TTC23: variants seen among roughly 807,000 people sequenced by gnomAD.
TTC23 encodes tetratricopeptide repeat protein 23.
In TTC23, 58 loss-of-function variants were observed where a neutral mutation model predicts 55.1. That is an observed-to-expected ratio of 1.05 (90% CI 0.85 to 1.31). The LOEUF is 1.31. Ranked by LOEUF, TTC23 falls within the 50% of genes most tolerant of loss-of-function variation. The probability of loss-of-function intolerance (pLI) is 0.00; values close to 1 mark genes in which losing one functional copy is unlikely to be tolerated. For synonymous variants in TTC23, 203 were observed against 199.9 expected (o/e 1.02, Z -0.13); for missense variants, 516 against 534.4 (o/e 0.97, Z 0.34).
Position 99,175,047 on chromosome 15 carries a change from C to T in TTC23, c.865+3G>A. On this transcript the variant is annotated splice_donor_region_variant and intron_variant, in intron 10 of 13. Coordinates refer to ENST00000394132, the MANE Select transcript of TTC23 (RefSeq NM_001288615.3). ...GACAGGAAGAGAAAAGGATTCTTCT[C>T]ACCATGGTGCTCGTGTCTCCCTGAA... 2 of 1,613,766 alleles carry T rather than the reference C, an allele frequency of 1.2e-6. No individual in the cohort carries two copies. The highest frequency in any genetic ancestry group is 1.7e-5 in the Admixed American group (1 of 60,012).
chr15:99,163,086 A>C (rs1051096378), intron 10 of TTC23, among the ~76,000 whole-genome samples: 1 of 150,160 alleles, frequency 6.7e-6, no homozygotes, highest in Non-Finnish European at 1.5e-5. Flanking sequence ...CCTGTCTCAA[A>C]AAACAAACAA....
intron 10 of TTC23, among the ~76,000 whole-genome samples, chr15:99,169,614 C>G (rs2072636994): frequency 6.6e-6 from 1 of 152,024 alleles, no homozygotes; most frequent in Non-Finnish European, 1.5e-5. Flanking sequence ...CAGCACTGGG[C>G]AAGCTGAAAA....
chr15:99,189,151 G>A (rs909767379), intron 9 of TTC23, among the ~76,000 whole-genome samples: 1 of 152,046 alleles, frequency 6.6e-6, no homozygotes, highest in Non-Finnish European at 1.5e-5. Context: ...TACAAGTAAG[G>A]GAGATTTCTA....
rs2077973717 is a variant in TTC23, at chr15:99,221,967, C to G, written c.181-103G>C. 3 of 1,344,744 alleles carry G rather than the reference C, an allele frequency of 2.2e-6. No individual in the cohort carries two copies. The South Asian group carries it at 4.2e-5, about 19-fold the overall frequency. The allele number at this position is 1,344,744 out of a possible 1,614,324, so 83.3% of individuals were successfully genotyped here. ...CCCTTTGATAAATACTGAGTGACTA[C>G]TATGTGCAAAACATTGTTCTAAGCA... On this transcript the variant is annotated intron_variant, in intron 5 of 13. Coordinates refer to ENST00000394132, the MANE Select transcript of TTC23 (RefSeq NM_001288615.3).
At chr15:99,182,248 TCACACACACACACACACACA>T (rs56223763) in intron 9 of TTC23, among the ~76,000 whole-genome samples, 1 of 108,606 alleles carries the variant, frequency 9.2e-6, no homozygotes, top group African/African-American at 3.8e-5. Context: ...TCTCTCTCTC[TCACACACACACACACACACA>T]CACACACACA....
intron 9 of TTC23, among the ~76,000 whole-genome samples, chr15:99,199,646 G>A (rs956168525): frequency 6.6e-6 from 1 of 152,042 alleles, no homozygotes; most frequent in Non-Finnish European, 1.5e-5. Context: ...GGTAACATAC[G>A]CTCTAAATAG....
chr15:99,192,316 C>A (rs2075308942), intron 9 of TTC23, among the ~76,000 whole-genome samples: 1 of 152,180 alleles, frequency 6.6e-6, no homozygotes, highest in Non-Finnish European at 1.5e-5. Context: ...TGTCAGAGAC[C>A]TTTGCACAGT....
chr15:99,246,868 C>G (rs1023855556), intron 1 of TTC23, among the ~76,000 whole-genome samples: 1 of 151,890 alleles, frequency 6.6e-6, no homozygotes, highest in Non-Finnish European at 1.5e-5. Context: ...TGCAGTGGGC[C>G]GAGATCGTGG....
chr15:99,250,322 A>G (rs1287034427), upstream of TTC23, among the ~76,000 whole-genome samples: 2 of 152,238 alleles, frequency 1.3e-5, no homozygotes, highest in Non-Finnish European at 2.9e-5. Flanking sequence ...TTTTTATTAT[A>G]ACTCATACCT....
intron 8 of TTC23, among the ~76,000 whole-genome samples, chr15:99,202,177 G>A (rs1405063155): frequency 6.6e-6 from 1 of 152,094 alleles, no homozygotes; most frequent in Non-Finnish European, 1.5e-5. Context: ...GCTGACCTCT[G>A]GTCTAGAATC....
chr15:99,144,540 A>T (rs1231522817), intron 12 of TTC23: 1 of 152,240 alleles, frequency 6.6e-6, no homozygotes, highest in Non-Finnish European at 1.5e-5. Flanking sequence ...GAATTGCATC[A>T]TAACATCTAT....
chr15:99,141,107 A>C lies in TTC23; in HGVS notation c.1144-1708T>G, dbSNP rs1026659375. 5 of 152,292 alleles carry C rather than the reference A, an allele frequency of 3.3e-5. No homozygotes were observed. The South Asian group carries it at 1.0e-3, about 32-fold the overall frequency. The allele number at this position is 152,292 out of a possible 1,614,324, so 9.4% of individuals were successfully genotyped here. ...TTTGTTAAAGATACAAAGCAACAAGAATTCTTTTATATATTGATAGTGGGT... is the reference window on the plus strand; with the variant it reads ...TTTGTTAAAGATACAAAGCAACAAGCATTCTTTTATATATTGATAGTGGGT... On this transcript the variant is annotated intron_variant, in intron 12 of 13. Transcript: ENST00000394132.
chr15:99,146,985 G>A (rs528824622), intron 12 of TTC23, among the ~76,000 whole-genome samples: 1 of 151,982 alleles, frequency 6.6e-6, no homozygotes, highest in East Asian at 1.9e-4. Flanking sequence ...TGTGGTCACG[G>A]CTCACTGCAA....
chr15:99,183,152 G>A (rs913080218), intron 9 of TTC23, among the ~76,000 whole-genome samples: 21 of 152,268 alleles, frequency 1.4e-4, no homozygotes, highest in African/African-American at 3.6e-4. Flanking sequence ...TGAAGTCCAC[G>A]CTGAGGTGGT....
At chr15:99,180,465 A>T (rs2074010631) in intron 9 of TTC23, among the ~76,000 whole-genome samples, 1 of 152,238 alleles carries the variant, frequency 6.6e-6, no homozygotes, top group Non-Finnish European at 1.5e-5. Flanking sequence ...CAGATTCCTC[A>T]GTGCCAATCA....
chr15:99,208,759 A>G (rs2076818470), intron 8 of TTC23, among the ~76,000 whole-genome samples: 1 of 152,258 alleles, frequency 6.6e-6, no homozygotes, highest in African/African-American at 2.4e-5. Context: ...AATTGAGAGT[A>G]CTACATCAAG....
At chr15:99,183,606 T>A (rs1217831197) in intron 9 of TTC23, among the ~76,000 whole-genome samples, 2 of 150,862 alleles carry the variant, frequency 1.3e-5, no homozygotes, top group African/African-American at 4.9e-5. Context: ...CCCAAAGTGC[T>A]GGGATTACAA....
chr15:99,160,797 G>A (rs949015488), intron 11 of TTC23: 2 of 151,976 alleles, frequency 1.3e-5, no homozygotes, highest in African/African-American at 2.4e-5. Flanking sequence ...GGCGGATCAC[G>A]GGGTCAGGAG....
intron 5 of TTC23, among the ~76,000 whole-genome samples, chr15:99,222,149 G>A (rs1435395176): frequency 6.6e-6 from 1 of 152,186 alleles, no homozygotes; most frequent in Non-Finnish European, 1.5e-5. Context: ...AGAAAAAGTA[G>A]AGCAGACATC....
Sources: allele counts gnomAD v4.1 joint callset (sites outside exome capture counted in the v4.1 genomes callset), GRCh38; gene constraint gnomAD v4.1.1; transcripts MANE v1.5; gene names NCBI Gene and HGNC (gene_info 2026-07-23, HGNC 2026-07-21).